Variants in WWOX observed in about 807,000 individuals in gnomAD.
The protein encoded by WWOX is WW domain containing oxidoreductase.
Under a neutral mutation model 46.2 loss-of-function variants are expected in WWOX, and 69 were observed. The observed-to-expected ratio is 1.49, with a 90% CI of 1.23 to 1.82. The LOEUF (loss-of-function observed/expected upper bound fraction) is 1.82, where lower values mean the gene tolerates loss of function less well. WWOX is among the 40% of genes most tolerant of loss of function. WWOX has a pLI of 0.00. For missense variants in WWOX, 919 were observed against 542.6 expected, an observed-to-expected ratio of 1.69 and a Z score of -6.89; for synonymous variants, 359 against 202.6, an observed-to-expected ratio of 1.77 and a Z score of -6.56.
intron 5 of WWOX, among the ~76,000 whole-genome samples, chr16:78,233,000 C>G (rs1162740327): frequency 6.6e-6 from 1 of 152,152 alleles, no homozygotes; most frequent in Non-Finnish European, 1.5e-5. Context: ...CGCCACCATG[C>G]CCAGCTAATT....
intron 8 of WWOX, among the ~76,000 whole-genome samples, chr16:79,078,996 G>C (rs1032206804): frequency 6.6e-6 from 1 of 152,178 alleles, no homozygotes; most frequent in African/African-American, 2.4e-5. Flanking sequence ...AATCAGTAGA[G>C]ATGCTAAAAT....
intron 5 of WWOX, among the ~76,000 whole-genome samples, chr16:78,321,151 G>A (rs577006761): frequency 1.3e-5 from 2 of 151,890 alleles, no homozygotes; most frequent in African/African-American, 4.8e-5. Flanking sequence ...TTGCAAAAAG[G>A]AATGTATAGG....
At chr16:79,193,289 G>C (rs1366309080) in intron 8 of WWOX, among the ~76,000 whole-genome samples, 1 of 152,198 alleles carries the variant, frequency 6.6e-6, no homozygotes, top group Non-Finnish European at 1.5e-5. Context: ...AAGCACCTCT[G>C]AGGCTCACTG....
chr16:78,185,912 C>T (rs900068797), intron 5 of WWOX, among the ~76,000 whole-genome samples: 1 of 152,124 alleles, frequency 6.6e-6, no homozygotes, highest in Non-Finnish European at 1.5e-5. Context: ...GTGATCCACC[C>T]GCCTCGGCCT....
intron 6 of WWOX, among the ~76,000 whole-genome samples, chr16:78,411,860 A>G (rs578031592): frequency 6.6e-6 from 1 of 152,156 alleles, no homozygotes; most frequent in African/African-American, 2.4e-5. Context: ...TCTTGTTCCT[A>G]TGATCGATTA....
chr16:78,694,023 A>G (rs1336714070), intron 8 of WWOX, among the ~76,000 whole-genome samples: 4 of 152,064 alleles, frequency 2.6e-5, no homozygotes, highest in African/African-American at 9.7e-5. Flanking sequence ...GGTTGAGGTC[A>G]GAGTTCAAGA....
At chr16:78,173,862 G>C (rs1011612490) in intron 5 of WWOX, among the ~76,000 whole-genome samples, 7 of 152,158 alleles carry the variant, frequency 4.6e-5, no homozygotes, top group African/African-American at 1.4e-4. Context: ...AGACGAGGGT[G>C]CCAACCTTGT....
chr16:78,723,766 C>G (rs1431616585), intron 8 of WWOX, among the ~76,000 whole-genome samples: 2 of 151,934 alleles, frequency 1.3e-5, no homozygotes, highest in African/African-American at 2.4e-5. Context: ...CCACCTCTGC[C>G]AAGGTCAAAA....
intron 8 of WWOX, among the ~76,000 whole-genome samples, chr16:78,518,266 C>T (rs541603870): frequency 2.0e-5 from 3 of 152,224 alleles, no homozygotes; most frequent in African/African-American, 7.2e-5. Flanking sequence ...GAGTCTTGCT[C>T]TGTCACCCAG....
intron 8 of WWOX, among the ~76,000 whole-genome samples, chr16:78,521,552 C>A (rs372000591): frequency 6.6e-6 from 1 of 152,136 alleles, no homozygotes; most frequent in Non-Finnish European, 1.5e-5. Flanking sequence ...AAATAGAGTT[C>A]TACTTATATT....
chr16:79,021,361 G>T (rs2047529415), intron 8 of WWOX, among the ~76,000 whole-genome samples: 1 of 152,130 alleles, frequency 6.6e-6, no homozygotes, highest in Admixed American at 6.5e-5. Flanking sequence ...ATCATCACCT[G>T]TTTTTGTGTC....
Position 78,923,561 on chromosome 16 carries a change from T to C in WWOX, c.1057-288047T>C, listed in dbSNP as rs570412753. 8.5e-5 allele frequency among the ~76,000 whole-genome samples: 13 copies of C among 152,186 alleles called. No homozygotes were observed. In the East Asian group the frequency reaches 2.3e-3, roughly 27 times the overall value. On this transcript the variant is annotated intron_variant, in intron 8 of 8. Coordinates refer to ENST00000566780, the MANE Select transcript of WWOX (RefSeq NM_016373.4). ...TTCTACATACATAATATATATAAAT[T>C]TTCCATTCATAGTGTGTTAGCAGCT... is the stretch of plus-strand genomic sequence containing the variant.
At chr16:78,625,823 A>C (rs1597366163) in intron 8 of WWOX, among the ~76,000 whole-genome samples, 1 of 147,190 alleles carries the variant, frequency 6.8e-6, no homozygotes, top group African/African-American at 2.5e-5. Context: ...AGTAATTGGC[A>C]AATGGCAATT....
At chr16:78,612,296 C>G (rs1458385161) in intron 8 of WWOX, among the ~76,000 whole-genome samples, 2 of 152,156 alleles carry the variant, frequency 1.3e-5, no homozygotes, top group African/African-American at 2.4e-5. Context: ...ATGTTGATTT[C>G]TAAAGGAGGT....
chr16:78,398,117 T>A (rs1304667939), intron 6 of WWOX, among the ~76,000 whole-genome samples: 1 of 152,228 alleles, frequency 6.6e-6, no homozygotes, highest in African/African-American at 2.4e-5. Flanking sequence ...AGGGGTCGTT[T>A]TGCTATTTAT....
chr16:78,328,498 GATA>G (rs1320513648), intron 5 of WWOX, among the ~76,000 whole-genome samples: 4 of 152,194 alleles, frequency 2.6e-5, no homozygotes, highest in African/African-American at 9.7e-5. Context: ...AGATGATGAT[GATA>G]ATAGAGATAA....
intron 8 of WWOX, among the ~76,000 whole-genome samples, chr16:78,596,531 G>C (rs994490104): frequency 6.6e-6 from 1 of 152,130 alleles, no homozygotes; most frequent in African/African-American, 2.4e-5. Context: ...GATCGTGACA[G>C]GTGTGCAAGA....
intron 4 of WWOX, among the ~76,000 whole-genome samples, chr16:78,127,516 G>GAAAAAA (rs35507203): frequency 8.2e-6 from 1 of 122,368 alleles, no homozygotes. Context: ...ATAATCAACG[G>GAAAAAA]AAAAAAAAAA....
At chr16:78,393,346 A>G (rs1231366579) in intron 6 of WWOX, among the ~76,000 whole-genome samples, 1 of 152,162 alleles carries the variant, frequency 6.6e-6, no homozygotes, top group African/African-American at 2.4e-5. Flanking sequence ...GTGCTCTGTA[A>G]TACTTTTTCT....
Sources: allele counts gnomAD v4.1 joint callset (sites outside exome capture counted in the v4.1 genomes callset), GRCh38; gene constraint gnomAD v4.1.1; transcripts MANE v1.5; gene names NCBI Gene and HGNC (gene_info 2026-07-23, HGNC 2026-07-21).